Variants in TIMP3 observed in about 807,000 individuals in gnomAD.
TIMP3 encodes the protein TIMP metallopeptidase inhibitor 3, also known as metalloproteinase inhibitor 3.
TIMP3 carries 11 observed loss-of-function variants against 30.0 expected under a neutral mutation model. That is an observed-to-expected ratio of 0.37 (90% CI 0.23 to 0.61). The LOEUF is 0.61. Ranked by LOEUF, TIMP3 falls within the 20% of genes least tolerant of loss-of-function variation. TIMP3 has a pLI of 0.70. For missense variants in TIMP3, 181 were observed against 276.8 expected, an observed-to-expected ratio of 0.65 and a Z score of 2.45; for synonymous variants, 112 against 111.3, an observed-to-expected ratio of 1.01 and a Z score of -0.04.
intron 1 of TIMP3, among the ~76,000 whole-genome samples, chr22:32,830,278 T>C (rs1281885309): frequency 6.6e-6 from 1 of 152,214 alleles, no homozygotes; most frequent in Non-Finnish European, 1.5e-5. Context: ...GTGGTTACTT[T>C]GCACCAGGCA....
chr22:32,829,573 G>A (rs756979121), intron 1 of TIMP3, among the ~76,000 whole-genome samples: 15 of 152,216 alleles, frequency 9.9e-5, no homozygotes, highest in East Asian at 1.9e-4. Flanking sequence ...AAAACGGCCC[G>A]GATTTTCATC....
chr22:32,833,204 CCATTAAGAGAGT>C (rs2047629620), intron 1 of TIMP3, among the ~76,000 whole-genome samples: 1 of 152,110 alleles, frequency 6.6e-6, no homozygotes, highest in African/African-American at 2.4e-5. Context: ...CCTAACAAAG[CCATTAAGAGAGT>C]CATTGGCCCC....
intron 1 of TIMP3, among the ~76,000 whole-genome samples, chr22:32,809,584 A>G (rs2046857937): frequency 6.6e-6 from 1 of 152,244 alleles, no homozygotes; most frequent in Non-Finnish European, 1.5e-5. Context: ...TGGAACAGTT[A>G]TCCGACACAA....
chr22:32,807,612 C>T (rs1400446909), intron 1 of TIMP3, among the ~76,000 whole-genome samples: 2 of 149,642 alleles, frequency 1.3e-5, no homozygotes, highest in African/African-American at 4.9e-5. Flanking sequence ...GCTGAGGAAA[C>T]TGAGGCTTAG....
chr22:32,820,146 C>T (rs1015013282), intron 1 of TIMP3, among the ~76,000 whole-genome samples: 1 of 152,070 alleles, frequency 6.6e-6, no homozygotes, highest in African/African-American at 2.4e-5. Flanking sequence ...TCATCCTATT[C>T]AGGCCGTCTC....
intron 1 of TIMP3, among the ~76,000 whole-genome samples, chr22:32,838,071 A>G (rs2047786010): frequency 6.6e-6 from 1 of 152,194 alleles, no homozygotes. Flanking sequence ...TCCCTGGACT[A>G]TAACTCCCTG....
chr22:32,857,128 C>A, intron 2 of TIMP3, 121 bp from the exon 3 acceptor site: 2 of 771,220 alleles, frequency 2.6e-6, no homozygotes, highest in Non-Finnish European at 4.6e-6. Context: ...CATGAGAGTG[C>A]AGACCCCTCT....
In TIMP3 at chr22:32,837,913, C is replaced by G. The variant is rs1048965099; in HGVS notation, c.122-11539C>G. ...CCAATGGGCTGGACTCTCCAGCCTC[C>G]GGGCCTCTGCCCAACCATGACCAGA... is the stretch of plus-strand genomic sequence containing the variant. On this transcript the variant is annotated intron_variant, in intron 1 of 4. Transcript: ENST00000266085. This position sits in a 1 kb window ranked among gnomAD's most constrained non-coding sequence, Gnocchi z 4.1. Among the ~76,000 whole-genome samples the G allele has an allele frequency of 6.6e-6, 1 of 152,204 alleles. No individual in the cohort carries two copies. The highest frequency in any genetic ancestry group is 2.4e-5 in the African/African-American group (1 of 41,442).
Position 32,801,899 on chromosome 22 carries a change from C to T in TIMP3, c.-103C>T. The T allele has an allele frequency of 5.1e-6, 7 of 1,382,574 alleles. No homozygotes were observed. The highest frequency in any genetic ancestry group is 6.5e-6 in the Non-Finnish European group (7 of 1,074,144). 85.6% of individuals were successfully genotyped at this position (1,382,574 alleles called of 1,614,324 possible). A position where few individuals can be genotyped will look rare whatever the true frequency, so the allele number is the denominator to read the frequency against. ...CGGAGGCCAAGGTTGCCCCGCACGG[C>T]CCGGCGGGCGAGCGAGCTCGGGCTG... On this transcript the variant is annotated 5_prime_UTR_variant, in exon 1 of 5. Coordinates refer to ENST00000266085, the MANE Select transcript of TIMP3 (RefSeq NM_000362.5). The surrounding 1 kb of genome is among the most constrained non-coding windows in gnomAD (Gnocchi z 4.7).
rs571991869 is a variant in TIMP3 at position 32,855,583 on chromosome 22, G to C, written c.205-1666G>C. Among the ~76,000 whole-genome samples the C allele has an allele frequency of 2.0e-5, 3 of 152,254 alleles. No homozygotes were observed. In the South Asian group the frequency reaches 6.2e-4, roughly 32 times the overall value. Reference sequence around the variant, plus strand: ...CCTCATCTATAAAATGGGCATAATAGTTCCTACCTCATAGGGTTGTCATGG... The same window carrying C: ...CCTCATCTATAAAATGGGCATAATACTTCCTACCTCATAGGGTTGTCATGG... On this transcript the variant is annotated intron_variant, in intron 2 of 4. Coordinates refer to ENST00000266085, the MANE Select transcript of TIMP3 (RefSeq NM_000362.5).
intron 1 of TIMP3, among the ~76,000 whole-genome samples, chr22:32,803,021 CT>C (rs2046632125): frequency 1.3e-5 from 2 of 152,206 alleles, no homozygotes; most frequent in South Asian, 4.1e-4. Context: ...CGAGAGCATC[CT>C]GGGAGGCTTG....
intron 1 of TIMP3, among the ~76,000 whole-genome samples, chr22:32,809,729 G>A (rs572095501): frequency 1.1e-4 from 17 of 152,278 alleles, no homozygotes; most frequent in Admixed American, 3.9e-4. Context: ...AAGCAAGGAC[G>A]GTTGGTGTTT....
At chr22:32,855,348 AAG>A (rs1284386330) in intron 2 of TIMP3, among the ~76,000 whole-genome samples, 2 of 152,202 alleles carry the variant, frequency 1.3e-5, no homozygotes, top group African/African-American at 4.8e-5. Flanking sequence ...TGTGCCTCTG[AAG>A]GAGGCACAGT....
intron 1 of TIMP3, among the ~76,000 whole-genome samples, chr22:32,840,759 G>A (rs2047876197): frequency 6.6e-6 from 1 of 152,128 alleles, no homozygotes; most frequent in African/African-American, 2.4e-5. Context: ...TCTCCAGGGC[G>A]ATTCCCTGAC....
chr22:32,820,288 G>GT (rs397831800), intron 1 of TIMP3, among the ~76,000 whole-genome samples: 3 of 148,644 alleles, frequency 2.0e-5, no homozygotes, highest in South Asian at 2.2e-4. Flanking sequence ...GTGTGTGTGT[G>GT]GTGTGTGTGG....
chr22:32,820,243 TGTGTGTGTGTGTGTGTGTGCGTGCGC>T (rs1393720666), intron 1 of TIMP3, among the ~76,000 whole-genome samples: 1 of 57,732 alleles, frequency 1.7e-5, no homozygotes, highest in Non-Finnish European at 4.2e-5. Context: ...CTTTCTCCCC[TGTGTGTGTGTGTGTGTGTGCGTGCGC>T]GTGTGTGTGT....
chr22:32,825,299 T>C (rs1210368118), intron 1 of TIMP3, among the ~76,000 whole-genome samples: 2 of 152,170 alleles, frequency 1.3e-5, no homozygotes, highest in Non-Finnish European at 2.9e-5. Flanking sequence ...ACTACTAAAA[T>C]GGCAGGTTTA....
In TIMP3 at chr22:32,830,438, A is replaced by G. The variant is rs1481614368; in HGVS notation, c.122-19014A>G. 2.0e-5 allele frequency among the ~76,000 whole-genome samples: 3 copies of G among 152,122 alleles called. No homozygotes were observed. The East Asian group carries it at 5.8e-4, about 29-fold the overall frequency. ...TAGGAGGAGCTGGAGCTGAGATTCA[A>G]CCCCAGGTTCTCTGGTGCCCAAGTG... On this transcript the variant is annotated intron_variant, in intron 1 of 4. Coordinates refer to ENST00000266085, the MANE Select transcript of TIMP3 (RefSeq NM_000362.5).
At chr22:32,814,324 A>AAAGAAAGAAAGAAAGAAAGG (rs143987389) in intron 1 of TIMP3, among the ~76,000 whole-genome samples, 1 of 65,910 alleles carries the variant, frequency 1.5e-5, no homozygotes, top group African/African-American at 5.1e-5. Context: ...AGACAGAAAG[A>AAAGAAAGAAAGAAAGAAAGG]AAGAAAGAAA....
Sources: allele counts gnomAD v4.1 joint callset (sites outside exome capture counted in the v4.1 genomes callset), GRCh38; gene constraint gnomAD v4.1.1; non-coding constraint Gnocchi (gnomAD v3.1); transcripts MANE v1.5; gene names NCBI Gene and HGNC (gene_info 2026-07-23, HGNC 2026-07-21).